PRRC2B: variants seen among roughly 807,000 people sequenced by gnomAD.
The protein encoded by PRRC2B is proline rich coiled-coil 2B.
PRRC2B carries 68 observed loss-of-function variants against 242.3 expected under a neutral mutation model. The ratio of observed to expected loss-of-function variants is 0.28; its 90% CI spans 0.23 to 0.34. The LOEUF is 0.34. Ranked by LOEUF, PRRC2B falls within the 10% of genes least tolerant of loss-of-function variation. PRRC2B has a pLI of 1.00. For synonymous variants in PRRC2B, 1,228 were observed against 1,173.6 expected, an observed-to-expected ratio of 1.05 and a Z score of -0.95; for missense variants, 2,835 against 2,954.8, an observed-to-expected ratio of 0.96 and a Z score of 0.94.
At chr9:131,471,121 A>G (rs1365842868) in intron 14 of PRRC2B, 138 bp downstream of exon 14, 4 of 575,166 alleles carry the variant, frequency 7.0e-6, no homozygotes, top group Non-Finnish European at 9.1e-6. Flanking sequence ...CTGAGTTTCA[A>G]AGTAGTCACT....
At chr9:131,457,556 TA>T (rs570529391) in intron 10 of PRRC2B, among the ~76,000 whole-genome samples, 41 of 152,306 alleles carry the variant, frequency 2.7e-4, no homozygotes, top group African/African-American at 9.6e-4. Flanking sequence ...ATCCATGTCT[TA>T]TTTGGCATCT....
chr9:131,434,796 C>G (rs539275105), intron 3 of PRRC2B, among the ~76,000 whole-genome samples: 8 of 152,254 alleles, frequency 5.3e-5, no homozygotes, highest in Admixed American at 1.3e-4. Context: ...GACCGGAGCG[C>G]TGAGTTAGAG....
At chr9:131,491,783 C>T (rs1944202400) in intron 29 of PRRC2B, among the ~76,000 whole-genome samples, 1 of 152,212 alleles carries the variant, frequency 6.6e-6, no homozygotes, top group African/African-American at 2.4e-5. Flanking sequence ...GGCCAGGAAT[C>T]AGCATTCCTC....
chr9:131,404,107 CT>C (rs1180301756), intron 1 of PRRC2B, among the ~76,000 whole-genome samples: 1 of 151,922 alleles, frequency 6.6e-6, no homozygotes, highest in African/African-American at 2.4e-5. Context: ...GTGAACAGAC[CT>C]GCCACACTAA....
At chr9:131,463,368 C>G (rs994785048) in intron 11 of PRRC2B, among the ~76,000 whole-genome samples, 4 of 152,072 alleles carry the variant, frequency 2.6e-5, no homozygotes, top group Non-Finnish European at 5.9e-5. Context: ...GATCCTGTTT[C>G]CTTGATTTGA....
In PRRC2B at chr9:131,448,414, C is replaced by T. The variant is rs573395159; in HGVS notation, c.1120+610C>T. 4.6e-5 allele frequency among the ~76,000 whole-genome samples: 7 copies of T among 151,356 alleles called. No individual in the cohort carries two copies. In the South Asian group the frequency reaches 8.4e-4, roughly 18 times the overall value. On this transcript the variant is annotated intron_variant, in intron 9 of 31. Transcript: ENST00000683519. ...CAAAAATTAGCCAGGTGTGGTGGCG[C>T]GTGCCTGTAGTCCCAGCTACTCAGG...
intron 9 of PRRC2B, among the ~76,000 whole-genome samples, chr9:131,452,757 A>G (rs186931556): frequency 6.6e-6 from 1 of 152,114 alleles, no homozygotes; most frequent in Admixed American, 6.5e-5. Flanking sequence ...ACATTTCTAG[A>G]TTGCTAATTT....
At chr9:131,479,618 G>A (rs1247190400) in intron 19 of PRRC2B, among the ~76,000 whole-genome samples, 1 of 152,130 alleles carries the variant, frequency 6.6e-6, no homozygotes, top group East Asian at 1.9e-4. Context: ...AAAATTGGTA[G>A]AAGAGCAGAG....
chr9:131,420,497 T>TCTTTCTTTCTTTTCTTTC (rs72209206), intron 1 of PRRC2B, among the ~76,000 whole-genome samples: 5 of 16,432 alleles, frequency 3.0e-4, no homozygotes, highest in African/African-American at 7.1e-4. Flanking sequence ...TTCTTTCTTT[T>TCTTTCTTTCTTTTCTTTC]TTTTTTTTTT....
At chr9:131,422,274 C>T (rs1284725211) in intron 1 of PRRC2B, among the ~76,000 whole-genome samples, 3 of 152,220 alleles carry the variant, frequency 2.0e-5, no homozygotes, top group East Asian at 3.9e-4. Context: ...AGCATGGTCT[C>T]GATCTCTTGA....
rs192252065 is a variant in PRRC2B at position 131,438,258 on chromosome 9, C to G, written c.397-731C>G. Among the ~76,000 whole-genome samples the G allele has an allele frequency of 3.4e-4, 51 of 152,212 alleles. No homozygotes were observed. The South Asian group carries it at 0.01, about 31-fold the overall frequency. On this transcript the variant is annotated intron_variant, in intron 4 of 31. Transcript: ENST00000683519. Reference sequence around the variant, plus strand: ...CGGGTGAGCTTAGTGGTTAGAGACTCGAAAGGGCACTGGACATAGGCAGGC... The same window carrying G: ...CGGGTGAGCTTAGTGGTTAGAGACTGGAAAGGGCACTGGACATAGGCAGGC...
At chr9:131,444,101 A>G in intron 5 of PRRC2B, 84 bp from the exon 6 acceptor site, 1 of 1,505,140 alleles carries the variant, frequency 6.6e-7, no homozygotes, top group Non-Finnish European at 9.1e-7. Context: ...TCCAGGCAAC[A>G]CGGCTTTCAA....
upstream of PRRC2B, among the ~76,000 whole-genome samples, chr9:131,392,848 G>A (rs570112481): frequency 1.3e-5 from 2 of 151,510 alleles, no homozygotes; most frequent in East Asian, 1.9e-4. Flanking sequence ...AGGAGTTGGA[G>A]GTTGCAGTGA....
intron 24 of PRRC2B, 21 bp downstream of exon 24, chr9:131,484,811 G>T: frequency 1.3e-6 from 2 of 1,591,916 alleles, no homozygotes; most frequent in Non-Finnish European, 1.7e-6. Flanking sequence ...CCCTGAGCTG[G>T]GTGAGGGCCC....
intron 10 of PRRC2B, among the ~76,000 whole-genome samples, chr9:131,455,629 C>T (rs1429374846): frequency 5.3e-5 from 8 of 151,488 alleles, no homozygotes; most frequent in African/African-American, 1.2e-4. Context: ...GATTCTCCCA[C>T]CCCAGCTTCC....
chr9:131,408,316 T>G (rs1837420856), intron 1 of PRRC2B, among the ~76,000 whole-genome samples: 1 of 152,202 alleles, frequency 6.6e-6, no homozygotes, highest in Non-Finnish European at 1.5e-5. Context: ...AAAGAAATAT[T>G]GGCCCCAGCA....
rs1251245938 is a variant in PRRC2B, at chr9:131,386,499, G to A, written c.-56+12768G>A. ...TGTCACCCCACTTCCAGATCTGCCCGAGGAACAGAGCCTTTGACTTGACTT... is the reference window on the plus strand; with the variant it reads ...TGTCACCCCACTTCCAGATCTGCCCAAGGAACAGAGCCTTTGACTTGACTT... On this transcript the variant is annotated intron_variant, in intron 1 of 1. Transcript: ENST00000682525. Among the ~76,000 whole-genome samples the A allele has an allele frequency of 7.3e-5, 11 of 150,170 alleles. 2 individuals carry two copies. The highest frequency in any genetic ancestry group is 3.9e-4 in the East Asian group (2 of 5,064).
At chr9:131,470,528 T>G (rs1317903797) in intron 13 of PRRC2B, among the ~76,000 whole-genome samples, 1 of 152,056 alleles carries the variant, frequency 6.6e-6, no homozygotes, top group Non-Finnish European at 1.5e-5. Flanking sequence ...CTAGCCTGTC[T>G]CGTGTAGCAC....
chr9:131,461,674 G>A (rs1278599708), intron 11 of PRRC2B, among the ~76,000 whole-genome samples: 4 of 152,010 alleles, frequency 2.6e-5, no homozygotes, highest in East Asian at 3.9e-4. Flanking sequence ...CCCGAGTAGC[G>A]GGATTACAGG....
Sources: allele counts gnomAD v4.1 joint callset (sites outside exome capture counted in the v4.1 genomes callset), GRCh38; gene constraint gnomAD v4.1.1; transcripts MANE v1.5; gene names NCBI Gene and HGNC (gene_info 2026-07-23, HGNC 2026-07-21).